DDX52: variants seen among roughly 807,000 people sequenced by gnomAD.
The protein encoded by DDX52 is probable ATP-dependent RNA helicase DDX52.
A neutral mutation model predicts 76.1 loss-of-function variants in DDX52; 59 were observed. That is an observed-to-expected ratio of 0.78 (90% CI 0.63 to 0.96). The LOEUF (loss-of-function observed/expected upper bound fraction) is 0.96. Among genes scored for constraint, DDX52 ranks in the 40% least tolerant of loss-of-function variants. DDX52 has a pLI of 0.00. For synonymous variants in DDX52, 231 were observed against 244.1 expected, an observed-to-expected ratio of 0.95 and a Z score of 0.50; for missense variants, 707 against 703.9, an observed-to-expected ratio of 1.00 and a Z score of -0.05.
At chr17:37,642,053 A>G (rs1315906715) in intron 2 of DDX52, 57 bp downstream of exon 2, 1 of 1,601,038 alleles carries the variant, frequency 6.2e-7, no homozygotes, top group Non-Finnish European at 8.5e-7. Flanking sequence ...AGCCTGTATT[A>G]TTTTTATAAC....
Position 37,638,765 on chromosome 17 carries a change from TTTTTC to T in DDX52, c.286+3340_286+3344del, listed in dbSNP as rs1192771122. Among the ~76,000 whole-genome samples the T allele has an allele frequency of 3.3e-5, 4 of 122,410 alleles. No individual in the cohort carries two copies. The Admixed American group carries it at 3.9e-4, about 12-fold the overall frequency. 80.3% of individuals were successfully genotyped at this position (122,410 alleles called of 152,430 possible). A position where few individuals can be genotyped will look rare whatever the true frequency, so the allele number is the denominator to read the frequency against. On this transcript the variant is annotated intron_variant, in intron 2 of 14. Transcript: ENST00000617633. ...AAATAAGAAAACATGGAAGTTGTTT[TTTTTC>T]TTTTTTTTTTTTTTTTTGAGACAGA... is the stretch of plus-strand genomic sequence containing the variant.
chr17:37,632,101 C>G lies in DDX52; in HGVS notation c.603+12G>C. 6.2e-7 allele frequency: 1 copy of G among 1,612,446 alleles called. No homozygotes were observed. Among genetic ancestry groups the G allele is most frequent in the East Asian group, 2.2e-5 (1 of 44,844 alleles). On this transcript the variant is annotated intron_variant, in intron 4 of 14. Coordinates refer to ENST00000617633, the MANE Select transcript of DDX52 (RefSeq NM_007010.5). ...AAGGAATGTTACAGGCATTCTAGATCTTCATACTCACATGCAGCATAACTG... is the reference window on the plus strand; with the variant it reads ...AAGGAATGTTACAGGCATTCTAGATGTTCATACTCACATGCAGCATAACTG...
Position 37,633,349 on chromosome 17 carries a change from T to C in DDX52, c.356A>G (p.Lys119Arg). The change falls in exon 3 of 15, where the codon AAA becomes AGA. Residue 119 changes from lysine (K) to arginine (R), a missense_variant. By Grantham distance (26) the Lys-to-Arg change is conservative (BLOSUM62 2). Coordinates refer to ENST00000617633, the MANE Select transcript of DDX52 (RefSeq NM_007010.5). ...MSSVEAKIED[K>R]KVQRESKLTS... is the part of the protein sequence containing the mutation. ...TAGTTTACTTTCTCTCTGAACTTTT[T>C]TGTCTTCAATCTTTGCTTCTACAGA... is the stretch of plus-strand genomic sequence containing the variant. 1.2e-6 allele frequency: 2 copies of C among 1,612,190 alleles called. No individual in the cohort carries two copies. Among genetic ancestry groups the C allele is most frequent in the Non-Finnish European group, 8.5e-7 (1 of 1,179,260 alleles).
At chr17:37,615,528 A>G (rs868683778) in intron 14 of DDX52, among the ~76,000 whole-genome samples, 7 of 152,058 alleles carry the variant, frequency 4.6e-5, no homozygotes, top group African/African-American at 1.7e-4. Context: ...AAATAAAACA[A>G]TATTAGCCAG....
Position 37,611,337 on chromosome 17 carries a change from C to CAA in DDX52, c.*2957_*2958dup, listed in dbSNP as rs1447723699. The stretch of plus-strand genomic sequence containing the variant: ...TGTGTGTTTGTGCCATGGTTTTTAA[C>CAA]AAAAAAGTTTTAGAAGTAAATAGTA... On this transcript the variant is annotated 3_prime_UTR_variant, in exon 15 of 15. Transcript: ENST00000617633. The CAA allele has an allele frequency of 6.6e-6, 1 of 151,532 alleles. No individual in the cohort carries two copies. The highest frequency in any genetic ancestry group is 1.5e-5 in the Non-Finnish European group (1 of 67,900). 9.4% of individuals were successfully genotyped at this position (151,532 alleles called of 1,614,324 possible). A position where few individuals can be genotyped will look rare whatever the true frequency, so the allele number is the denominator to read the frequency against.
rs1167319702 is a variant in DDX52 at position 37,612,311 on chromosome 17, A to C, written c.*1985T>G. 1.3e-5 allele frequency: 2 copies of C among 152,096 alleles called. No homozygotes were observed. Among genetic ancestry groups the C allele is most frequent in the African/African-American group, 2.4e-5 (1 of 41,402 alleles). The allele number at this position is 152,096 out of a possible 1,614,324, so 9.4% of individuals were successfully genotyped here. ...GGCTGGTCTCTAAACTCCTGAGCTC[A>C]GACAACCTGCCCGCCTAGGCCTCCC... is the stretch of plus-strand genomic sequence containing the variant. On this transcript the variant is annotated 3_prime_UTR_variant, in exon 15 of 15. Coordinates refer to ENST00000617633, the MANE Select transcript of DDX52 (RefSeq NM_007010.5).
chr17:37,615,904 CT>C (rs1486645613), intron 14 of DDX52, among the ~76,000 whole-genome samples: 1 of 151,946 alleles, frequency 6.6e-6, no homozygotes, highest in African/African-American at 2.4e-5. Context: ...ATCCCAGCTA[CT>C]CAAGAGGCTG....
intron 7 of DDX52, 81 bp from the exon 8 acceptor site, chr17:37,626,179 A>G: frequency 4.1e-6 from 6 of 1,449,392 alleles, no homozygotes; most frequent in Non-Finnish European, 5.7e-6. Context: ...CAGTGGACAC[A>G]TGAGGAAGTC....
At position 37,612,963 on chromosome 17, in the gene DDX52, A is replaced by G. The variant is rs1290649337; in HGVS notation, c.*1333T>C. On this transcript the variant is annotated 3_prime_UTR_variant, in exon 15 of 15. Coordinates refer to ENST00000617633, the MANE Select transcript of DDX52 (RefSeq NM_007010.5). ...AAATCATATTCTTGTAAGTATTTTT[A>G]CACCCTGTACCAGTAGATCTTTCTT... The G allele has an allele frequency of 6.6e-6, 1 of 152,220 alleles. No individual in the cohort carries two copies. The highest frequency in any genetic ancestry group is 1.5e-5 in the Non-Finnish European group (1 of 68,036). The allele number at this position is 152,220 out of a possible 1,614,324, so 9.4% of individuals were successfully genotyped here. A position where few individuals can be genotyped will look rare whatever the true frequency, so the allele number is the denominator to read the frequency against.
chr17:37,618,251 A>C, intron 14 of DDX52, 41 bp downstream of exon 14: 1 of 1,496,246 alleles, frequency 6.7e-7, no homozygotes, highest in Non-Finnish European at 9.1e-7. Context: ...CTATAACTTT[A>C]TGATGGTGTC....
intron 4 of DDX52, chr17:37,631,810 T>C (rs1052314488): frequency 2.6e-6 from 1 of 384,976 alleles, no homozygotes; most frequent in Non-Finnish European, 4.7e-6. Flanking sequence ...ATAAATATGA[T>C]TGGTGCGAAT....
At chr17:37,636,440 G>A (rs1284771408) in intron 2 of DDX52, among the ~76,000 whole-genome samples, 2 of 152,214 alleles carry the variant, frequency 1.3e-5, no homozygotes, top group Non-Finnish European at 2.9e-5. Context: ...ATATATAAGG[G>A]GGTCTTCAAA....
intron 12 of DDX52, chr17:37,620,593 C>A: frequency 3.4e-6 from 1 of 291,282 alleles, no homozygotes; most frequent in Non-Finnish European, 6.3e-6. Context: ...AACTCATCTT[C>A]TACATTAAAA....
intron 8 of DDX52, among the ~76,000 whole-genome samples, chr17:37,625,592 T>C (rs2030324804): frequency 6.6e-6 from 1 of 152,156 alleles, no homozygotes; most frequent in Admixed American, 6.5e-5. Flanking sequence ...TCCACTTATT[T>C]AAGCCATCAA....
rs571165592 is a variant in DDX52, at chr17:37,627,456, A to C, written c.860-596T>G. Among the ~76,000 whole-genome samples the C allele has an allele frequency of 3.3e-5, 5 of 152,170 alleles. No homozygotes were observed. The East Asian group carries it at 7.7e-4, about 24-fold the overall frequency. On this transcript the variant is annotated intron_variant, in intron 6 of 14. Coordinates refer to ENST00000617633, the MANE Select transcript of DDX52 (RefSeq NM_007010.5). ...GAAACAGGGTCTCCCTATGCTGTCC[A>C]GGCTGGTCTCGAATTCCTGGGCTCA...
intron 14 of DDX52, among the ~76,000 whole-genome samples, chr17:37,616,590 G>C (rs1194423841): frequency 6.6e-6 from 1 of 151,854 alleles, no homozygotes; most frequent in African/African-American, 2.4e-5. Flanking sequence ...GGGAGGTGGA[G>C]GTTGCAGTGA....
chr17:37,621,168 T>C lies in DDX52; in HGVS notation c.1460A>G (p.Tyr487Cys), dbSNP rs778568642. 8 of 1,613,570 alleles carry C rather than the reference T, an allele frequency of 5.0e-6. No individual in the cohort carries two copies. The highest frequency in any genetic ancestry group is 2.2e-5 in the East Asian group (1 of 44,868). The stretch of plus-strand genomic sequence containing the variant: ...TTCCACTGAGCTAGTTGGAAAGTCA[T>C]AGTTGATCACCAAGTTCACACCTTT... ...DFKGVNLVIN[Y>C]DFPTSSVEYI... The change falls in exon 11 of 15, where the codon TAT (tyrosine) becomes TGT (cysteine). Residue 487 changes from tyrosine (Y) to cysteine (C), a missense_variant. Transcript: ENST00000617633.
At chr17:37,629,756 G>A (rs924983771) in intron 5 of DDX52, among the ~76,000 whole-genome samples, 2 of 152,022 alleles carry the variant, frequency 1.3e-5, no homozygotes. Flanking sequence ...TGTCCAAGCA[G>A]GGCTATATTT....
At position 37,626,049 on chromosome 17, in the gene DDX52, T is replaced by G. The variant is rs555389399; in HGVS notation, c.982A>C (p.Lys328Gln). 2 of 1,614,164 alleles carry G rather than the reference T, an allele frequency of 1.2e-6. No homozygotes were observed. Among genetic ancestry groups the G allele is most frequent in the African/African-American group, 2.7e-5 (2 of 75,018 alleles). ...GCCAGCTGGTCTCTGAACCCAGTTTTGCCATCTTCAAACAGTTTATCTGAT... is the reference window on the plus strand; with the variant it reads ...GCCAGCTGGTCTCTGAACCCAGTTTGGCCATCTTCAAACAGTTTATCTGAT... ...DESDKLFEDGKTGFRDQLASI... is the reference protein window; with the variant it reads ...DESDKLFEDGQTGFRDQLASI... The change falls in exon 8 of 15, where the codon AAA becomes CAA. Residue 328 changes from lysine to glutamine, a missense_variant. Transcript: ENST00000617633.
Sources: gnomAD v4.1 joint callset for allele counts (sites outside exome capture counted in the v4.1 genomes callset) on GRCh38, gnomAD v4.1.1 for gene constraint, MANE v1.5 for transcripts, NCBI Gene and HGNC (gene_info 2026-07-23, HGNC 2026-07-21) for gene names.